MSI2: variants seen among roughly 807,000 people sequenced by gnomAD.
MSI2 encodes the protein RNA-binding protein Musashi homolog 2.
MSI2 carries 17 observed loss-of-function variants against 45.6 expected under a neutral mutation model. The observed-to-expected ratio is 0.37, with a 90% CI of 0.26 to 0.56. The LOEUF (loss-of-function observed/expected upper bound fraction) is 0.56. MSI2 is among the 20% of genes least tolerant of loss of function. The pLI, the probability that MSI2 is intolerant of heterozygous loss-of-function variation, is 0.77. For synonymous variants in MSI2, 156 were observed against 158.2 expected (o/e 0.99, Z 0.11); for missense variants, 293 against 444.2 (o/e 0.66, Z 3.06).
At chr17:57,618,072 A>AAATAATAATAATAATAATAATAAT (rs56843897) in intron 9 of MSI2, 5 of 147,378 alleles carry the variant, frequency 3.4e-5, no homozygotes, top group South Asian at 4.5e-4. Flanking sequence ...CTCTGTCTCA[A>AAATAATAATAATAATAATAATAAT]AATAATAATA....
intron 7 of MSI2, among the ~76,000 whole-genome samples, chr17:57,572,987 C>T (rs1258306691): frequency 4.6e-5 from 7 of 152,330 alleles, no homozygotes; most frequent in Non-Finnish European, 1.0e-4. Flanking sequence ...TGCCCGACAA[C>T]TCCGTCTGAG....
intron 5 of MSI2, among the ~76,000 whole-genome samples, chr17:57,397,444 C>T (rs988265420): frequency 6.6e-6 from 1 of 152,212 alleles, no homozygotes; most frequent in Non-Finnish European, 1.5e-5. Flanking sequence ...TGTGTGCACC[C>T]TCACGTGTCC....
At chr17:57,348,704 A>G (rs1458456010) in intron 5 of MSI2, among the ~76,000 whole-genome samples, 1 of 152,072 alleles carries the variant, frequency 6.6e-6, no homozygotes, top group Non-Finnish European at 1.5e-5. Context: ...AGCCTGAAGA[A>G]CCGCGAGCCA....
intron 5 of MSI2, among the ~76,000 whole-genome samples, chr17:57,342,324 C>A (rs963044635): frequency 1.3e-5 from 2 of 152,182 alleles, no homozygotes; most frequent in African/African-American, 4.8e-5. Context: ...GTTTACCTTC[C>A]TGGTTGAACG....
chr17:57,463,160 G>A lies in MSI2; in HGVS notation c.405+61689G>A, dbSNP rs142870918. 1.3e-3 allele frequency among the ~76,000 whole-genome samples: 204 copies of A among 152,266 alleles called. 1 individual carries two copies. Among genetic ancestry groups the A allele is most frequent in the African/African-American group, 4.6e-3 (191 of 41,542 alleles). On this transcript the variant is annotated intron_variant, in intron 6 of 13. Coordinates refer to ENST00000284073, the MANE Select transcript of MSI2 (RefSeq NM_138962.4). ...GCCCTCTCCCTTCTGCTAGGACCCC[G>A]GCCTGCTCAGTTTGCCAAGGGTGGC... is the stretch of plus-strand genomic sequence containing the variant.
chr17:57,668,035 C>T (rs1567968324), intron 11 of MSI2, among the ~76,000 whole-genome samples: 1 of 152,154 alleles, frequency 6.6e-6, no homozygotes. Context: ...CCTGTCTCTA[C>T]TAAAAATACA....
At chr17:57,557,419 C>T (rs73312868) in intron 7 of MSI2, among the ~76,000 whole-genome samples, 1,652 of 152,356 alleles carry the variant, frequency 0.011, 28 homozygotes, top group African/African-American at 0.036. Context: ...GCCAAAGCCC[C>T]CTTTCCCGCT....
chr17:57,674,370 C>CA (rs1913066555), intron 11 of MSI2, among the ~76,000 whole-genome samples: 1 of 149,146 alleles, frequency 6.7e-6, no homozygotes, highest in African/African-American at 2.5e-5. Context: ...GATCCAAAAA[C>CA]CAAAAAGAAA....
intron 6 of MSI2, among the ~76,000 whole-genome samples, chr17:57,440,941 G>A (rs888238840): frequency 2.0e-5 from 3 of 152,200 alleles, no homozygotes; most frequent in African/African-American, 7.2e-5. Flanking sequence ...CTCAGAGGAG[G>A]CCTCGGGTCA....
At chr17:57,377,365 C>T (rs1357848231) in intron 5 of MSI2, among the ~76,000 whole-genome samples, 1 of 152,210 alleles carries the variant, frequency 6.6e-6, no homozygotes, top group South Asian at 2.1e-4. Flanking sequence ...ATCCTTCTGC[C>T]CTGTTACATC....
chr17:57,546,062 G>C (rs1362349352), intron 7 of MSI2, among the ~76,000 whole-genome samples: 1 of 152,218 alleles, frequency 6.6e-6, no homozygotes, highest in East Asian at 1.9e-4. Flanking sequence ...GGAGGCCCCT[G>C]TGTGTAACTG....
intron 5 of MSI2, among the ~76,000 whole-genome samples, chr17:57,329,917 TA>T (rs1186417729): frequency 6.6e-6 from 1 of 152,056 alleles, no homozygotes; most frequent in Non-Finnish European, 1.5e-5. Flanking sequence ...ACTTGCCTAT[TA>T]AAGTTTTTTG....
At chr17:57,450,670 CAAAAAAAAA>C (rs58773765) in intron 6 of MSI2, among the ~76,000 whole-genome samples, 1 of 31,942 alleles carries the variant, frequency 3.1e-5, no homozygotes, top group African/African-American at 1.2e-4. Flanking sequence ...GACTGCATCT[CAAAAAAAAA>C]AAAAAAAAAA....
intron 6 of MSI2, among the ~76,000 whole-genome samples, chr17:57,501,718 A>G (rs2086110650): frequency 6.6e-6 from 1 of 152,216 alleles, no homozygotes; most frequent in Non-Finnish European, 1.5e-5. Flanking sequence ...GCCGTTGGCA[A>G]CGAGACGGAC....
intron 5 of MSI2, chr17:57,278,982 G>C (rs979419493): frequency 6.6e-6 from 1 of 152,058 alleles, no homozygotes; most frequent in Non-Finnish European, 1.5e-5. Flanking sequence ...GTGGAGAGTC[G>C]GTGTCTGTTG....
chr17:57,368,708 A>G (rs2083376831), intron 5 of MSI2, among the ~76,000 whole-genome samples: 2 of 152,254 alleles, frequency 1.3e-5, no homozygotes, highest in African/African-American at 4.8e-5. Context: ...GAATTAGAAT[A>G]TCGGCAGATA....
chr17:57,491,505 C>T (rs190955832), intron 6 of MSI2, among the ~76,000 whole-genome samples: 23 of 152,144 alleles, frequency 1.5e-4, no homozygotes, highest in Non-Finnish European at 3.1e-4. Context: ...ATAGAGACCT[C>T]GGATAAATGG....
Position 57,257,552 on chromosome 17 carries a change from AC to A in MSI2, c.185+7del. Reference sequence around the variant, plus strand: ...TCCCACTACGAAACGCTCCAGGTAAACCATTCCCTTCTGGATTTTGTCTTTA... The same window carrying A: ...TCCCACTACGAAACGCTCCAGGTAAACATTCCCTTCTGGATTTTGTCTTTA... On this transcript the variant is annotated splice_donor_region_variant and intron_variant, in intron 3 of 13. Transcript: ENST00000284073. The A allele has an allele frequency of 6.3e-7, 1 of 1,576,724 alleles. No individual in the cohort carries two copies. The highest frequency in any genetic ancestry group is 8.7e-7 in the Non-Finnish European group (1 of 1,148,448).
At chr17:57,513,466 T>A (rs1356784637) in intron 6 of MSI2, among the ~76,000 whole-genome samples, 1 of 152,214 alleles carries the variant, frequency 6.6e-6, no homozygotes, top group Non-Finnish European at 1.5e-5. Context: ...ACTGGTGAGC[T>A]GGGACCTGGG....
Sources: allele counts gnomAD v4.1 joint callset (sites outside exome capture counted in the v4.1 genomes callset), GRCh38; gene constraint gnomAD v4.1.1; transcripts MANE v1.5; gene names NCBI Gene and HGNC (gene_info 2026-07-23, HGNC 2026-07-21).